The following DHX15 variants were observed in gnomAD, a reference collection of about 807,000 sequenced individuals.
The protein encoded by DHX15 is DEAH-box helicase 15, also known as ATP-dependent RNA helicase DHX15.
DHX15 carries 11 observed loss-of-function variants against 94.4 expected under a neutral mutation model. The observed-to-expected ratio is 0.12, with a 90% confidence interval of 0.07 to 0.19. The LOEUF is 0.19. DHX15 is among the 10% of genes least tolerant of loss of function. The pLI, the probability that DHX15 is intolerant of heterozygous loss-of-function variation, is 1.00. For missense variants in DHX15, 304 were observed against 988.5 expected (o/e 0.31, Z 9.29); for synonymous variants, 338 against 329.9 (o/e 1.02, Z -0.27).
At chr4:24,581,430 T>C (rs1258477152) in intron 1 of DHX15, among the ~76,000 whole-genome samples, 2 of 152,246 alleles carry the variant, frequency 1.3e-5, no homozygotes, top group African/African-American at 4.8e-5. Context: ...ATCCCACTGA[T>C]ATTAAATTTT....
rs1398613336 is a variant in DHX15 at position 24,584,529 on chromosome 4, A to G, written c.-136T>C. On this transcript the variant is annotated 5_prime_UTR_variant, in exon 1 of 14. Transcript: ENST00000336812. ...AGCCCACACGGTGCGGCCGGAACCA[A>G]CAGCTAAAATGGCGGCGGCGACGAG... The G allele has an allele frequency of 2.4e-6, 2 of 846,922 alleles. No individual in the cohort carries two copies. The highest frequency in any genetic ancestry group is 2.0e-5 in the South Asian group (1 of 50,718). The allele number at this position is 846,922 out of a possible 1,614,324, so 52.5% of individuals were successfully genotyped here. A position where few individuals can be genotyped will look rare whatever the true frequency, so the allele number is the denominator to read the frequency against.
At chr4:24,556,722 G>A (rs761118245) in intron 3 of DHX15, among the ~76,000 whole-genome samples, 8 of 152,132 alleles carry the variant, frequency 5.3e-5, no homozygotes, top group African/African-American at 1.4e-4. Context: ...GGCAAAATTC[G>A]TCATTTTCAA....
Position 24,584,261 on chromosome 4 carries a change from C to A in DHX15, c.71+62G>T, listed in dbSNP as rs923846446. 2.6e-6 allele frequency: 4 copies of A among 1,528,696 alleles called. No individual in the cohort carries two copies. In the Admixed American group the frequency reaches 5.6e-5, roughly 21 times the overall value. 94.7% of individuals were successfully genotyped at this position (1,528,696 alleles called of 1,614,324 possible). A position where few individuals can be genotyped will look rare whatever the true frequency, so the allele number is the denominator to read the frequency against. ...CCGCTCGGCCAGGCCAGCCCCGGCC[C>A]GCTCCCTGCCAGGACCCCAACAAAG... On this transcript the variant is annotated intron_variant, in intron 1 of 13. Coordinates refer to ENST00000336812, the MANE Select transcript of DHX15 (RefSeq NM_001358.3).
intron 3 of DHX15, among the ~76,000 whole-genome samples, chr4:24,566,084 C>T (rs1721986220): frequency 6.6e-6 from 1 of 151,262 alleles, no homozygotes; most frequent in African/African-American, 2.4e-5. Context: ...TGCTCTGTCA[C>T]CCAGGCTGGA....
chr4:24,535,832 G>C (rs767734843), intron 11 of DHX15, among the ~76,000 whole-genome samples: 1 of 152,136 alleles, frequency 6.6e-6, no homozygotes, highest in Non-Finnish European at 1.5e-5. Context: ...CCCATTTTAA[G>C]AGTATAACTG....
intron 5 of DHX15, 137 bp downstream of exon 5, chr4:24,554,588 A>G (rs143932728): frequency 4.6e-6 from 3 of 651,272 alleles, no homozygotes; most frequent in Non-Finnish European, 7.9e-6. Context: ...AAGGGGTTAT[A>G]TATTTTACAT....
chr4:24,543,761 A>C (rs1721366512), intron 6 of DHX15, among the ~76,000 whole-genome samples: 1 of 152,168 alleles, frequency 6.6e-6, no homozygotes, highest in Non-Finnish European at 1.5e-5. Flanking sequence ...TGGGAAATAC[A>C]TGTTACATAT....
rs1295719352 is a variant in DHX15 at position 24,527,927 on chromosome 4, G to C, written c.2385C>G (p.Tyr795Ter). 1 of 1,604,782 alleles carries C rather than the reference G, an allele frequency of 6.2e-7. No homozygotes were observed. Among genetic ancestry groups the C allele is most frequent in the East Asian group, 2.2e-5 (1 of 44,810 alleles). Reference sequence around the variant, plus strand: ...ACTTCAGTTCTAAGCACTGAATTCAGTACTGTGAATATTCCTTGGATTGAA... The same window carrying C: ...ACTTCAGTTCTAAGCACTGAATTCACTACTGTGAATATTCCTTGGATTGAA... ...AKLQSKEYSQ[Y>*] The change falls in exon 14 of 14, where the codon TAC becomes TAG. Residue 795 changes from tyrosine to a stop codon, truncating the protein, a stop_gained. Coordinates refer to ENST00000336812, the MANE Select transcript of DHX15 (RefSeq NM_001358.3). LOFTEE classifies it high-confidence loss of function.
intron 3 of DHX15, among the ~76,000 whole-genome samples, chr4:24,564,529 G>A (rs1191491377): frequency 6.6e-6 from 1 of 152,146 alleles, no homozygotes; most frequent in Non-Finnish European, 1.5e-5. Context: ...CCTCCTCTGT[G>A]AAATCTCTAT....
At chr4:24,565,710 C>T (rs1025931069) in intron 3 of DHX15, among the ~76,000 whole-genome samples, 8 of 152,306 alleles carry the variant, frequency 5.3e-5, no homozygotes, top group African/African-American at 1.9e-4. Context: ...ACTGGGTTAA[C>T]TGGTTAAAAA....
chr4:24,582,313 C>T (rs760468136), intron 1 of DHX15, among the ~76,000 whole-genome samples: 10 of 152,126 alleles, frequency 6.6e-5, no homozygotes, highest in South Asian at 4.1e-4. Context: ...AAATAATATA[C>T]AAGGGAATCA....
At chr4:24,551,238 C>T (rs1376386756) in intron 5 of DHX15, among the ~76,000 whole-genome samples, 1 of 152,066 alleles carries the variant, frequency 6.6e-6, no homozygotes, top group Non-Finnish European at 1.5e-5. Context: ...GTATGTAAAA[C>T]GCTTATTATA....
At chr4:24,532,471 C>T (rs73804154) in intron 12 of DHX15, among the ~76,000 whole-genome samples, 5,936 of 152,248 alleles carry the variant, frequency 0.039, 346 homozygotes, top group African/African-American at 0.13. Context: ...TCTGTTATGA[C>T]AATGTATTTC....
intron 12 of DHX15, 42 bp from the exon 13 acceptor site, chr4:24,529,812 A>G: frequency 5.0e-6 from 8 of 1,600,376 alleles, no homozygotes; most frequent in Non-Finnish European, 6.8e-6. Context: ...AATGCTTCTG[A>G]CTTGCTAGTT....
At chr4:24,550,118 A>AAAAAAAAAAAAAAAC (rs1560766877) in intron 5 of DHX15, among the ~76,000 whole-genome samples, 2 of 145,274 alleles carry the variant, frequency 1.4e-5, no homozygotes, top group African/African-American at 5.2e-5. Context: ...AAAAAAAAAA[A>AAAAAAAAAAAAAAAC]AAAAACGGTA....
chr4:24,547,515 A>G (rs573027222), intron 6 of DHX15, among the ~76,000 whole-genome samples: 23 of 152,348 alleles, frequency 1.5e-4, no homozygotes, highest in African/African-American at 5.5e-4. Context: ...ACTCAATGAA[A>G]CGAGAAGTAC....
chr4:24,536,973 C>G, intron 11 of DHX15, 78 bp downstream of exon 11: 1 of 1,445,398 alleles, frequency 6.9e-7, no homozygotes. Context: ...GATAATAAAT[C>G]AAAGTGGGAC....
intron 1 of DHX15, among the ~76,000 whole-genome samples, chr4:24,579,989 CT>C (rs2109013348): frequency 6.6e-6 from 1 of 152,324 alleles, no homozygotes; most frequent in South Asian, 2.1e-4. Flanking sequence ...TGGTTTCAAT[CT>C]CTTGACCTCA....
At chr4:24,551,480 A>C (rs1721603375) in intron 5 of DHX15, among the ~76,000 whole-genome samples, 1 of 152,182 alleles carries the variant, frequency 6.6e-6, no homozygotes, top group Admixed American at 6.5e-5. Flanking sequence ...AGTTTTTTTT[A>C]AAGGTTATCT....
Sources: gnomAD v4.1 joint callset for allele counts (sites outside exome capture counted in the v4.1 genomes callset) on GRCh38, gnomAD v4.1.1 for gene constraint, MANE v1.5 for transcripts, NCBI Gene and HGNC (gene_info 2026-07-23, HGNC 2026-07-21) for gene names.